EVI5: variants seen among roughly 807,000 people sequenced by gnomAD.
The protein encoded by EVI5 is ecotropic viral integration site 5 protein homolog.
In EVI5, 73 loss-of-function variants were observed where a neutral mutation model predicts 112.0. The observed-to-expected ratio is 0.65, with a 90% CI of 0.54 to 0.79. The LOEUF is 0.79. Ranked by LOEUF, EVI5 falls within the 30% of genes least tolerant of loss-of-function variation. EVI5 has a pLI of 0.00. For synonymous variants in EVI5, 305 were observed against 319.9 expected, an observed-to-expected ratio of 0.95 and a Z score of 0.50; for missense variants, 900 against 968.8, an observed-to-expected ratio of 0.93 and a Z score of 0.94.
intron 16 of EVI5, among the ~76,000 whole-genome samples, chr1:92,622,011 C>T (rs1254564728): frequency 6.6e-6 from 1 of 151,852 alleles, no homozygotes; most frequent in Non-Finnish European, 1.5e-5. Context: ...ATCCCAGCTA[C>T]TTGGGAGGCT....
At chr1:92,770,455 C>T (rs1683213204) in intron 1 of EVI5, among the ~76,000 whole-genome samples, 1 of 152,164 alleles carries the variant, frequency 6.6e-6, no homozygotes, top group Non-Finnish European at 1.5e-5. Flanking sequence ...TAAAGTATAA[C>T]TACTGGGACA....
intron 2 of EVI5, among the ~76,000 whole-genome samples, chr1:92,724,857 A>T (rs1322892511): frequency 6.6e-6 from 1 of 152,134 alleles, no homozygotes; most frequent in Non-Finnish European, 1.5e-5. Flanking sequence ...AACAGGCAGC[A>T]TTGGAGAAGA....
chr1:92,527,414 CAAA>C (rs763348201), intron 19 of EVI5, among the ~76,000 whole-genome samples: 6 of 18,650 alleles, frequency 3.2e-4, no homozygotes, highest in Non-Finnish European at 4.3e-4. Flanking sequence ...GACACTGTCT[CAAA>C]AAAAAAAAAA....
intron 19 of EVI5, among the ~76,000 whole-genome samples, chr1:92,548,448 TG>T (rs1187426783): frequency 6.6e-6 from 1 of 152,198 alleles, no homozygotes; most frequent in East Asian, 1.9e-4. Context: ...AAGACAGGGA[TG>T]CCCTCTCACC....
At position 92,758,094 on chromosome 1, in the gene EVI5, T is replaced by C. The variant is rs141850525; in HGVS notation, c.-81-21467A>G. Among the ~76,000 whole-genome samples, 73 of 152,132 alleles carry C rather than the reference T, an allele frequency of 4.8e-4. 1 individual carries two copies. In the East Asian group the frequency reaches 0.013, roughly 28 times the overall value. Reference sequence around the variant, plus strand: ...GAGCCAATCAAATATAGGTAAAGAATAGGATATACATACAATATAATACCA... The same window carrying C: ...GAGCCAATCAAATATAGGTAAAGAACAGGATATACATACAATATAATACCA... On this transcript the variant is annotated intron_variant, in intron 1 of 19. Transcript: ENST00000684568.
chr1:92,754,208 T>G (rs778166241), intron 1 of EVI5, among the ~76,000 whole-genome samples: 5 of 152,338 alleles, frequency 3.3e-5, no homozygotes, highest in Non-Finnish European at 5.9e-5. Flanking sequence ...AGGGATTTAA[T>G]ATCCCTTCTA....
At chr1:92,593,062 T>G (rs557828182) in intron 18 of EVI5, among the ~76,000 whole-genome samples, 15 of 152,312 alleles carry the variant, frequency 9.8e-5, no homozygotes, top group African/African-American at 3.4e-4. Context: ...CCTCCCTAAC[T>G]CATTTTATGA....
intron 16 of EVI5, among the ~76,000 whole-genome samples, chr1:92,619,086 G>A (rs759306681): frequency 2.6e-5 from 4 of 152,160 alleles, no homozygotes; most frequent in South Asian, 2.1e-4. Context: ...GACTTGTGAT[G>A]GTTAATACTG....
At chr1:92,516,511 A>G (rs964799335) in intron 19 of EVI5, among the ~76,000 whole-genome samples, 2 of 152,184 alleles carry the variant, frequency 1.3e-5, no homozygotes, top group African/African-American at 4.8e-5. Context: ...TATGTGGTAA[A>G]ACTGAAGCTA....
chr1:92,597,210 T>C (rs1012222013), intron 18 of EVI5, among the ~76,000 whole-genome samples: 2 of 152,154 alleles, frequency 1.3e-5, no homozygotes, highest in Non-Finnish European at 2.9e-5. Flanking sequence ...TTTAAAATCC[T>C]CTTGTTCTTC....
rs200063630 is a variant in EVI5, at chr1:92,513,510, AATAT to A, written c.*142_*145del. 2.9e-3 allele frequency: 492 copies of A among 172,076 alleles called. No individual in the cohort carries two copies. The highest frequency in any genetic ancestry group is 4.3e-3 in the Non-Finnish European group (386 of 90,374). 10.7% of individuals were successfully genotyped at this position (172,076 alleles called of 1,614,324 possible). On this transcript the variant is annotated 3_prime_UTR_variant, in exon 20 of 20. Coordinates refer to ENST00000684568, the MANE Select transcript of EVI5 (RefSeq NM_001350197.2). Reference sequence around the variant, plus strand: ...GATAAAAAGGCAGATAAGACTGTAAAATATATATATATATATATATATATATATA... The same window carrying A: ...GATAAAAAGGCAGATAAGACTGTAAAATATATATATATATATATATATATA...
chr1:92,636,044 A>T (rs1658757847), intron 14 of EVI5, among the ~76,000 whole-genome samples, 158 bp downstream of exon 14: 1 of 152,190 alleles, frequency 6.6e-6, no homozygotes, highest in Non-Finnish European at 1.5e-5. Context: ...ATAACTGGCA[A>T]TTTTAAAAAT....
At chr1:92,681,668 C>G (rs1572266655) in intron 9 of EVI5, among the ~76,000 whole-genome samples, 2 of 152,276 alleles carry the variant, frequency 1.3e-5, no homozygotes, top group East Asian at 3.9e-4. Flanking sequence ...CTGGTTTCCC[C>G]TCAGATGTGG....
intron 1 of EVI5, among the ~76,000 whole-genome samples, chr1:92,742,354 C>T (rs1255378061): frequency 6.6e-6 from 1 of 151,962 alleles, no homozygotes; most frequent in African/African-American, 2.4e-5. Flanking sequence ...GCCACTGTGC[C>T]CAGCTAACAT....
chr1:92,715,508 A>G (rs1673485273), intron 2 of EVI5, among the ~76,000 whole-genome samples: 2 of 152,196 alleles, frequency 1.3e-5, no homozygotes, highest in South Asian at 2.1e-4. Flanking sequence ...ATGGCTGAAT[A>G]GGAACAGCTC....
intron 1 of EVI5, among the ~76,000 whole-genome samples, chr1:92,761,179 A>T (rs1275094462): frequency 1.3e-5 from 2 of 152,086 alleles, no homozygotes; most frequent in African/African-American, 4.8e-5. Flanking sequence ...TATTACAAGT[A>T]CCTCAAGTTT....
At chr1:92,515,462 GTTTGAT>G (rs1401317701) in intron 19 of EVI5, among the ~76,000 whole-genome samples, 1 of 152,156 alleles carries the variant, frequency 6.6e-6, no homozygotes, top group Non-Finnish European at 1.5e-5. Context: ...ATGTTTTAAA[GTTTGAT>G]TTTGACATTC....
At chr1:92,784,573 A>T (rs1380562745) in intron 1 of EVI5, 1 of 359,176 alleles carries the variant, frequency 2.8e-6, no homozygotes, top group Non-Finnish European at 3.9e-6. Context: ...CCGCCCTGGG[A>T]CGCCACAGTT....
At chr1:92,546,704 T>A (rs1571438247) in intron 19 of EVI5, among the ~76,000 whole-genome samples, 4 of 151,280 alleles carry the variant, frequency 2.6e-5, no homozygotes, top group South Asian at 2.1e-4. Context: ...TCAAAAAAAA[T>A]AAATAAATAA....
Sources: allele counts gnomAD v4.1 joint callset (sites outside exome capture counted in the v4.1 genomes callset), GRCh38; gene constraint gnomAD v4.1.1; transcripts MANE v1.5; gene names NCBI Gene and HGNC (gene_info 2026-07-23, HGNC 2026-07-21).